The following INPP5B variants were observed in gnomAD, a reference collection of about 807,000 sequenced individuals.
INPP5B encodes type II inositol 1,4,5-trisphosphate 5-phosphatase.
A neutral mutation model predicts 118.5 loss-of-function variants in INPP5B; 90 were observed. That is an observed-to-expected ratio of 0.76 (90% confidence interval 0.64 to 0.90). INPP5B has a LOEUF of 0.90. Among genes scored for constraint, INPP5B ranks in the 40% least tolerant of loss-of-function variants. The probability of loss-of-function intolerance (pLI) is 0.00; values close to 1 mark genes in which losing one functional copy is unlikely to be tolerated. For synonymous variants in INPP5B, 385 were observed against 418.9 expected (o/e 0.92, Z 0.99); for missense variants, 984 against 1,125.6 (o/e 0.87, Z 1.80).
chr1:37,889,561 A>C lies in INPP5B; in HGVS notation c.793T>G (p.Phe265Val). ...TCCTAGAACCCAGTTAGCTACCTGA[A>C]GTTCTGGATATAGGTGTAATCCTCT... The part of the protein sequence containing the change: ...KEEDYTYIQN[F>V]RFFAGTYNVN... The change falls in exon 9 of 24, where the codon TTC becomes GTC. Residue 265 changes from phenylalanine (F) to valine (V), a missense_variant. Coordinates refer to ENST00000373024, the MANE Select transcript of INPP5B (RefSeq NM_005540.3). 1 of 1,609,268 alleles carries C rather than the reference A, an allele frequency of 6.2e-7. No individual in the cohort carries two copies. The highest frequency in any genetic ancestry group is 8.5e-7 in the Non-Finnish European group (1 of 1,177,820).
intron 13 of INPP5B, chr1:37,883,657 C>A: frequency 1.0e-6 from 1 of 985,422 alleles, no homozygotes; most frequent in Non-Finnish European, 1.2e-6. Context: ...ACATAAGCTG[C>A]GACCTCACAA....
intron 5 of INPP5B, chr1:37,941,958 A>AAAAAAAAAAATAT (rs1427344681): frequency 6.6e-4 from 20 of 30,340 alleles, no homozygotes; most frequent in Non-Finnish European, 9.9e-4. Flanking sequence ...AAAAAAAAAA[A>AAAAAAAAAAATAT]ATATATATAT....
At position 37,862,173 on chromosome 1, in the gene INPP5B, T is replaced by C. The variant is rs1641737103; in HGVS notation, c.*142A>G. ...CTGAGTGTGCTAACCAATGGTGGGC[T>C]TAATTGGGGTACTAGGCTCAGGAAA... On this transcript the variant is annotated 3_prime_UTR_variant, in exon 24 of 24. Coordinates refer to ENST00000373024, the MANE Select transcript of INPP5B (RefSeq NM_005540.3). 2 of 622,022 alleles carry C rather than the reference T, an allele frequency of 3.2e-6. No homozygotes were observed. The highest frequency in any genetic ancestry group is 1.8e-5 in the African/African-American group (1 of 54,392). The allele number at this position is 622,022 out of a possible 1,614,324, so 38.5% of individuals were successfully genotyped here.
chr1:37,903,452 C>T (rs528849307), intron 7 of INPP5B, among the ~76,000 whole-genome samples: 55 of 152,264 alleles, frequency 3.6e-4, no homozygotes, highest in African/African-American at 1.3e-3. Flanking sequence ...TGGGGCCGGA[C>T]GCAGTGGCTC....
At chr1:37,915,338 C>A (rs1347087886) in intron 7 of INPP5B, among the ~76,000 whole-genome samples, 9 of 152,178 alleles carry the variant, frequency 5.9e-5, no homozygotes. Flanking sequence ...GAGGCAATAC[C>A]CAGTTAATCA....
intron 7 of INPP5B, among the ~76,000 whole-genome samples, chr1:37,912,784 C>T (rs914306806): frequency 3.3e-5 from 5 of 152,104 alleles, no homozygotes; most frequent in African/African-American, 9.7e-5. Flanking sequence ...CTCTTATTCT[C>T]ATTCCCATTC....
At chr1:37,927,539 CTTTTTTT>C (rs755352733) in intron 7 of INPP5B, among the ~76,000 whole-genome samples, 2 of 142,470 alleles carry the variant, frequency 1.4e-5, no homozygotes, top group Non-Finnish European at 3.1e-5. Context: ...CTTTTTCTTT[CTTTTTTT>C]TTTTTTTTGA....
intron 23 of INPP5B, among the ~76,000 whole-genome samples, chr1:37,863,714 C>T (rs1641848883): frequency 6.6e-6 from 1 of 151,532 alleles, no homozygotes; most frequent in Admixed American, 6.6e-5. Flanking sequence ...CACATGCACA[C>T]ACAAACACAC....
In INPP5B at chr1:37,891,198, G is replaced by C. The variant is rs34349547; in HGVS notation, c.629+160C>G. ...GCCGAGATCATGCCACTGAACTCCAGCCTGGGCAGTAAGAGCGAAACTCTG... is the reference window on the plus strand; with the variant it reads ...GCCGAGATCATGCCACTGAACTCCACCCTGGGCAGTAAGAGCGAAACTCTG... On this transcript the variant is annotated intron_variant, in intron 8 of 23. Transcript: ENST00000373024. Among the ~76,000 whole-genome samples the C allele has an allele frequency of 0.26, 38,932 of 148,950 alleles. 5,226 individuals carry two copies. The highest frequency in any genetic ancestry group is 0.28 in the Admixed American group (4,227 of 14,838).
intron 2 of INPP5B, 35 bp downstream of exon 2, chr1:37,946,217 C>T: frequency 6.3e-7 from 1 of 1,592,664 alleles, no homozygotes; most frequent in Non-Finnish European, 8.6e-7. Context: ...AAGGCCAGGG[C>T]AGGCTCAGGG....
At chr1:37,905,480 T>C (rs1570231556) in intron 7 of INPP5B, among the ~76,000 whole-genome samples, 2 of 152,360 alleles carry the variant, frequency 1.3e-5, no homozygotes, top group African/African-American at 4.8e-5. Context: ...TATAATTCTG[T>C]CATGACTTAG....
chr1:37,932,363 C>CTTTTTTTTTTTT (rs58150703), intron 6 of INPP5B, among the ~76,000 whole-genome samples: 4 of 87,808 alleles, frequency 4.6e-5, no homozygotes, highest in Non-Finnish European at 8.8e-5. Flanking sequence ...CTTTTCTTTT[C>CTTTTTTTTTTTT]TTTTTTTTTT....
chr1:37,943,969 C>T, intron 3 of INPP5B, 76 bp from the exon 4 acceptor site: 2 of 1,012,260 alleles, frequency 2.0e-6, no homozygotes, highest in East Asian at 2.4e-5. Context: ...TCTCGGGGTG[C>T]TCACACTCGC....
At chr1:37,935,870 T>G (rs1006083208) in intron 6 of INPP5B, among the ~76,000 whole-genome samples, 3 of 151,692 alleles carry the variant, frequency 2.0e-5, no homozygotes, top group Non-Finnish European at 4.4e-5. Flanking sequence ...ATCCAGACCA[T>G]TCTGGCTAAC....
At chr1:37,941,267 C>A (rs1483901251) in intron 5 of INPP5B, among the ~76,000 whole-genome samples, 1 of 152,104 alleles carries the variant, frequency 6.6e-6, no homozygotes, top group African/African-American at 2.4e-5. Flanking sequence ...CTATTCATAG[C>A]ATATACCCAA....
intron 7 of INPP5B, among the ~76,000 whole-genome samples, chr1:37,891,729 G>A (rs180671684): frequency 1.8e-4 from 27 of 152,052 alleles, no homozygotes; most frequent in African/African-American, 4.3e-4. Context: ...AGCCAAGATC[G>A]TGCCGTTGCA....
Position 37,925,561 on chromosome 1 carries a change from G to C in INPP5B, c.532+6352C>G, listed in dbSNP as rs1645197382. ...CTAACAGTATATTTTAAGTAGCAAA[G>C]AAAAACATGCAAGTCAGCTAGCATC... On this transcript the variant is annotated intron_variant, in intron 7 of 23. Coordinates refer to ENST00000373024, the MANE Select transcript of INPP5B (RefSeq NM_005540.3). Among the ~76,000 whole-genome samples, 4 of 152,272 alleles carry C rather than the reference G, an allele frequency of 2.6e-5. No homozygotes were observed. In the South Asian group the frequency reaches 6.2e-4, roughly 24 times the overall value.
intron 7 of INPP5B, among the ~76,000 whole-genome samples, chr1:37,903,098 T>A (rs1644389082): frequency 2.0e-5 from 3 of 152,108 alleles, no homozygotes; most frequent in African/African-American, 7.2e-5. Flanking sequence ...AGCAACTCCA[T>A]CTTGAATAAG....
At position 37,939,451 on chromosome 1, in the gene INPP5B, GT is replaced by G. The variant is rs372636025; in HGVS notation, c.391+1236del. On this transcript the variant is annotated intron_variant, in intron 6 of 23. Coordinates refer to ENST00000373024, the MANE Select transcript of INPP5B (RefSeq NM_005540.3). Reference sequence around the variant, plus strand: ...TCTACTTCCTTTTGTTTTTGTTTTTGTTTTTTTTTTTTGAGATGGAGTCTTG... The same window carrying G: ...TCTACTTCCTTTTGTTTTTGTTTTTGTTTTTTTTTTTGAGATGGAGTCTTG... 6.2e-3 allele frequency among the ~76,000 whole-genome samples: 881 copies of G among 142,142 alleles called. 8 individuals are homozygous for G. The highest frequency in any genetic ancestry group is 0.021 in the African/African-American group (805 of 38,872). 93.3% of individuals were successfully genotyped at this position (142,142 alleles called of 152,430 possible).
Sources: allele counts gnomAD v4.1 joint callset (sites outside exome capture counted in the v4.1 genomes callset), GRCh38; gene constraint gnomAD v4.1.1; transcripts MANE v1.5; gene names NCBI Gene and HGNC (gene_info 2026-07-23, HGNC 2026-07-21).